The following PLEKHJ1 variants were observed in gnomAD, a reference collection of about 807,000 sequenced individuals.
The protein encoded by PLEKHJ1 is pleckstrin homology domain-containing family J member 1.
PLEKHJ1 carries 20 observed loss-of-function variants against 21.7 expected under a neutral mutation model. The ratio of observed to expected loss-of-function variants is 0.92; its 90% CI spans 0.65 to 1.34. The LOEUF is 1.34. PLEKHJ1 is among the 40% of genes most tolerant of loss of function. The pLI is 0.00. For synonymous variants in PLEKHJ1, 113 were observed against 80.6 expected (o/e 1.40, Z -2.15); for missense variants, 241 against 202.0 (o/e 1.19, Z -1.17).
chr19:2,234,065 G>C lies in PLEKHJ1; in HGVS notation c.321-4C>G. ...GCTTCTCCGCATGAACTCGTAGCTG[G>C]GGAAAAGGGTGGCACGGGGTCAAAT... On this transcript the variant is annotated splice_polypyrimidine_tract_variant and splice_region_variant and intron_variant, in intron 4 of 5. Transcript: ENST00000326631. 2 of 1,613,550 alleles carry C rather than the reference G, an allele frequency of 1.2e-6. No individual in the cohort carries two copies. The highest frequency in any genetic ancestry group is 1.3e-5 in the African/African-American group (1 of 75,046).
chr19:2,230,096 G>A (rs1051810678), downstream of PLEKHJ1: 8 of 568,708 alleles, frequency 1.4e-5, no homozygotes, highest in Admixed American at 2.0e-4. Flanking sequence ...ATATATGAGA[G>A]CTCTATATAA....
rs1450518073 is a variant in PLEKHJ1, at chr19:2,233,248, G to C, written c.*592C>G. 2.0e-5 allele frequency: 3 copies of C among 153,322 alleles called. No individual in the cohort carries two copies. The Admixed American group carries it at 2.0e-4, about 10-fold the overall frequency. 9.5% of individuals were successfully genotyped at this position (153,322 alleles called of 1,614,324 possible). On this transcript the variant is annotated 3_prime_UTR_variant, in exon 6 of 6. Transcript: ENST00000326631. ...CACAGCCAGGGCCCTCCTGTCTGCAGGAGAATTCACAGCTGGTGTGGGACT... is the reference window on the plus strand; with the variant it reads ...CACAGCCAGGGCCCTCCTGTCTGCACGAGAATTCACAGCTGGTGTGGGACT...
rs1414265382 is a variant in PLEKHJ1, at chr19:2,233,804, C to A, written c.*36G>T. ...CGATTCATGGCTGGGCAGGGCCAGT[C>A]CCGTCCCGCTGCACGCTGACCACCG... On this transcript the variant is annotated 3_prime_UTR_variant, in exon 6 of 6. Coordinates refer to ENST00000326631, the MANE Select transcript of PLEKHJ1 (RefSeq NM_018049.3). 6.4e-7 allele frequency: 1 copy of A among 1,559,276 alleles called. No homozygotes were observed. The highest frequency in any genetic ancestry group is 8.7e-7 in the Non-Finnish European group (1 of 1,153,726).
At position 2,233,766 on chromosome 19, in the gene PLEKHJ1, A is replaced by T; in HGVS notation, c.*74T>A. The T allele has an allele frequency of 7.1e-7, 1 of 1,404,740 alleles. No individual in the cohort carries two copies. The highest frequency in any genetic ancestry group is 9.7e-7 in the Non-Finnish European group (1 of 1,028,978). 87.0% of individuals were successfully genotyped at this position (1,404,740 alleles called of 1,614,324 possible). On this transcript the variant is annotated 3_prime_UTR_variant, in exon 6 of 6. Transcript: ENST00000326631. ...CCAAAAACCAAAACAAAACAGATCC[A>T]GGCATGGCCAAGCGATTCATGGCTG...
intron 3 of PLEKHJ1, 85 bp downstream of exon 3, chr19:2,235,677 C>T: frequency 5.5e-6 from 7 of 1,273,066 alleles, no homozygotes; most frequent in African/African-American, 1.5e-5. Context: ...CAGAGGAGAC[C>T]TTGGGCGCCC....
chr19:2,234,264 G>A (rs372989100), intron 3 of PLEKHJ1, 24 bp from the exon 4 acceptor site: 174 of 1,573,706 alleles, frequency 1.1e-4, no homozygotes, highest in East Asian at 1.6e-4. Flanking sequence ...ACCTGTGGTC[G>A]GTCCTACCCA....
chr19:2,232,662 G>A (rs1052499973), downstream of PLEKHJ1: 6 of 180,682 alleles, frequency 3.3e-5, no homozygotes, highest in Non-Finnish European at 4.7e-5. Context: ...GTGTGTCATC[G>A]CCGAAACGGG....
At position 2,235,744 on chromosome 19, in the gene PLEKHJ1, T is replaced by G. The variant is rs1451414567; in HGVS notation, c.229+18A>C. The G allele has an allele frequency of 1.3e-6, 2 of 1,543,554 alleles. No homozygotes were observed. The highest frequency in any genetic ancestry group is 2.7e-5 in the African/African-American group (2 of 72,886). ...CCGGGCTGCGGGAAGCGCCGCTGGC[T>G]TCCCTAGCCCCACTCACTGATGGAG... On this transcript the variant is annotated intron_variant, in intron 3 of 5. Coordinates refer to ENST00000326631, the MANE Select transcript of PLEKHJ1 (RefSeq NM_018049.3).
intron 3 of PLEKHJ1, chr19:2,234,981 C>T (rs898237187): frequency 1.3e-5 from 2 of 152,116 alleles, no homozygotes; most frequent in African/African-American, 4.8e-5. Flanking sequence ...GCCTGGGCGA[C>T]ATACCAAGAC....
chr19:2,234,469 G>C (rs898982993), intron 3 of PLEKHJ1: 4 of 505,002 alleles, frequency 7.9e-6, no homozygotes, highest in Non-Finnish European at 1.4e-5. Flanking sequence ...CCAGCGCTTT[G>C]AGAGGCCAAG....
intron 4 of PLEKHJ1, 34 bp from the exon 5 acceptor site, chr19:2,234,095 G>T (rs372930906): frequency 1.2e-6 from 2 of 1,612,736 alleles, no homozygotes; most frequent in Non-Finnish European, 1.7e-6. Context: ...TCAAATGCCC[G>T]CTCTGCATGG....
At chr19:2,230,080 A>G (rs2024532608), downstream of PLEKHJ1, 1 of 597,420 alleles carries the variant, frequency 1.7e-6, no homozygotes, top group African/African-American at 1.9e-5. Context: ...AGAAATATAA[A>G]TATCTATATA....
At chr19:2,232,253 C>T (rs1321720005), downstream of PLEKHJ1, 2 of 218,522 alleles carry the variant, frequency 9.2e-6, no homozygotes, top group South Asian at 1.8e-4. Context: ...GCCCATGAGG[C>T]ACGCACAGTG....
Position 2,233,796 on chromosome 19 carries a change from G to GGGCCA in PLEKHJ1, c.*39_*43dup. ...TGGCCAAGCGATTCATGGCTGGGCA[G>GGGCCA]GGCCAGTCCCGTCCCGCTGCACGCT... is the stretch of plus-strand genomic sequence containing the variant. On this transcript the variant is annotated 3_prime_UTR_variant, in exon 6 of 6. Coordinates refer to ENST00000326631, the MANE Select transcript of PLEKHJ1 (RefSeq NM_018049.3). 1 of 1,538,470 alleles carries GGGCCA rather than the reference G, an allele frequency of 6.5e-7. No individual in the cohort carries two copies. Among genetic ancestry groups the GGGCCA allele is most frequent in the East Asian group, 2.4e-5 (1 of 41,490 alleles).
In PLEKHJ1 at chr19:2,236,230, CCTT is replaced by C. The variant is rs1439169889; in HGVS notation, c.16_18del (p.Lys6del). 1.4e-6 allele frequency: 2 copies of C among 1,456,664 alleles called. No individual in the cohort carries two copies. Among genetic ancestry groups the C allele is most frequent in the Admixed American group, 3.0e-5 (1 of 33,232 alleles). The allele number at this position is 1,456,664 out of a possible 1,614,324, so 90.2% of individuals were successfully genotyped here. A position where few individuals can be genotyped will look rare whatever the true frequency, so the allele number is the denominator to read the frequency against. ...GGCTGCCGGGACAGAGCCTGCAGCT[CCTT>C]CTCGTTGTACCGCATGGCTCCGCGG... On this transcript the variant is annotated inframe_deletion, in exon 1 of 6. Transcript: ENST00000326631.
chr19:2,230,101 A>C, downstream of PLEKHJ1: 2 of 554,108 alleles, frequency 3.6e-6, no homozygotes, highest in Non-Finnish European at 6.3e-6. Flanking sequence ...TGAGAGCTCT[A>C]TATAAAGACA....
chr19:2,230,721 A>G (rs1350182222), downstream of PLEKHJ1: 1 of 397,734 alleles, frequency 2.5e-6, no homozygotes, highest in Non-Finnish European at 4.4e-6. Flanking sequence ...GGTATAATGC[A>G]CAGTGAAGAG....
At chr19:2,235,528 G>A in intron 3 of PLEKHJ1, 2 of 562,096 alleles carry the variant, frequency 3.6e-6, no homozygotes, top group Middle Eastern at 4.7e-4. Context: ...AGGGAACAAA[G>A]AGCAGAGTCT....
intron 3 of PLEKHJ1, chr19:2,235,351 A>C: frequency 3.4e-5 from 6 of 176,186 alleles, no homozygotes; most frequent in Non-Finnish European, 6.0e-5. Flanking sequence ...GCAGAAGGGA[A>C]TCTCTTAAGA....
Sources: gnomAD v4.1 joint callset for allele counts on GRCh38, gnomAD v4.1.1 for gene constraint, MANE v1.5 for transcripts, NCBI Gene and HGNC (gene_info 2026-07-23, HGNC 2026-07-21) for gene names.